The following FIGN variants were observed in gnomAD, a reference collection of about 807,000 sequenced individuals.
FIGN encodes the protein fidgetin.
In FIGN, 11 loss-of-function variants were observed where a neutral mutation model predicts 51.3. That is an observed-to-expected ratio of 0.21 (90% CI 0.13 to 0.35). FIGN has a LOEUF of 0.35. FIGN is among the 10% of genes least tolerant of loss of function. The probability of loss-of-function intolerance (pLI) is 1.00; values close to 1 mark genes in which losing one functional copy is unlikely to be tolerated. For synonymous variants in FIGN, 407 were observed against 363.2 expected (o/e 1.12, Z -1.37); for missense variants, 857 against 943.6 (o/e 0.91, Z 1.20).
At chr2:163,615,127 A>G (rs1468896540) in intron 2 of FIGN, among the ~76,000 whole-genome samples, 1 of 152,164 alleles carries the variant, frequency 6.6e-6, no homozygotes, top group Non-Finnish European at 1.5e-5. Flanking sequence ...TTGTCATGCT[A>G]TTTTTGGATG....
At chr2:163,702,372 A>T (rs1007039101) in intron 2 of FIGN, among the ~76,000 whole-genome samples, 6 of 152,270 alleles carry the variant, frequency 3.9e-5, no homozygotes, top group Middle Eastern at 6.8e-3. Flanking sequence ...TGTCACCTTC[A>T]CATACAAAAG....
intron 2 of FIGN, among the ~76,000 whole-genome samples, chr2:163,709,782 G>C (rs951748452): frequency 6.6e-6 from 1 of 151,838 alleles, no homozygotes; most frequent in Non-Finnish European, 1.5e-5. Flanking sequence ...TCATATTTAT[G>C]AGAAAAAAAT....
intron 2 of FIGN, among the ~76,000 whole-genome samples, chr2:163,649,977 G>A (rs1159897912): frequency 6.6e-6 from 1 of 152,186 alleles, no homozygotes; most frequent in Admixed American, 6.5e-5. Flanking sequence ...GGAAGTGGAA[G>A]AGCCAGACTT....
chr2:163,687,733 T>C (rs1243088158), intron 2 of FIGN, among the ~76,000 whole-genome samples: 1 of 152,184 alleles, frequency 6.6e-6, no homozygotes, highest in African/African-American at 2.4e-5. Flanking sequence ...AAGTATATAT[T>C]TTTTATCCTA....
chr2:163,619,496 T>C (rs1682933467), intron 2 of FIGN, among the ~76,000 whole-genome samples: 1 of 152,140 alleles, frequency 6.6e-6, no homozygotes, highest in Admixed American at 6.6e-5. Flanking sequence ...ATGCATTAAA[T>C]TGTATCCATA....
At chr2:163,620,587 ATTT>A (rs1682951467) in intron 2 of FIGN, among the ~76,000 whole-genome samples, 2 of 152,218 alleles carry the variant, frequency 1.3e-5, no homozygotes, top group South Asian at 4.1e-4. Flanking sequence ...TGCCAAAAGT[ATTT>A]TGCATTTTCT....
chr2:163,632,451 C>T (rs546477809), intron 2 of FIGN, among the ~76,000 whole-genome samples: 7 of 152,302 alleles, frequency 4.6e-5, no homozygotes, highest in East Asian at 1.9e-4. Flanking sequence ...TGCTATCCCC[C>T]GACTTTCAAC....
chr2:163,720,826 T>C (rs1428541072), intron 2 of FIGN, among the ~76,000 whole-genome samples: 1 of 152,198 alleles, frequency 6.6e-6, no homozygotes, highest in Non-Finnish European at 1.5e-5. Flanking sequence ...ACCTATGTAG[T>C]TGTATTGGCC....
Position 163,602,743 on chromosome 2 carries a change from AT to A in FIGN, c.*6808del, listed in dbSNP as rs1195516818. 2.0e-5 allele frequency: 3 copies of A among 152,106 alleles called. No homozygotes were observed. Among genetic ancestry groups the A allele is most frequent in the African/African-American group, 7.2e-5 (3 of 41,444 alleles). 9.4% of individuals were successfully genotyped at this position (152,106 alleles called of 1,614,324 possible). ...CATAAAAATATCTGCCTTGAACCAC[AT>A]TTTTAATTCTTCAATGGTTACTACT... On this transcript the variant is annotated 3_prime_UTR_variant, in exon 3 of 3. Transcript: ENST00000333129.
intron 2 of FIGN, among the ~76,000 whole-genome samples, chr2:163,648,794 G>A (rs554294510): frequency 3.3e-5 from 5 of 152,156 alleles, no homozygotes; most frequent in African/African-American, 7.2e-5. Context: ...TGTTTTGAAT[G>A]CAAAATATTT....
At chr2:163,696,828 T>G (rs1684327045) in intron 2 of FIGN, among the ~76,000 whole-genome samples, 2 of 148,378 alleles carry the variant, frequency 1.3e-5, no homozygotes, top group Admixed American at 1.3e-4. Flanking sequence ...CCACCGTGTC[T>G]GGCTAATTTT....
chr2:163,725,927 G>A (rs565898285), intron 2 of FIGN, among the ~76,000 whole-genome samples: 1 of 152,048 alleles, frequency 6.6e-6, no homozygotes, highest in East Asian at 1.9e-4. Context: ...ACTTTCTAAA[G>A]AGATACCAGC....
At position 163,730,474 on chromosome 2, in the gene FIGN, T is replaced by C. The variant is rs1313524174; in HGVS notation, c.25+4429A>G. ...CTTTCATTTTCAATAAACAATAATA[T>C]AGGTACAATCTCTCTCTCTTGCTCC... On this transcript the variant is annotated intron_variant, in intron 2 of 2. Transcript: ENST00000333129. Among the ~76,000 whole-genome samples, 5 of 151,662 alleles carry C rather than the reference T, an allele frequency of 3.3e-5. No homozygotes were observed. In the East Asian group the frequency reaches 7.8e-4, roughly 24 times the overall value.
chr2:163,707,256 T>A (rs189666102), intron 2 of FIGN, among the ~76,000 whole-genome samples: 1 of 151,960 alleles, frequency 6.6e-6, no homozygotes, highest in African/African-American at 2.4e-5. Context: ...GGCTGAGGCA[T>A]GAGAATCGTT....
Position 163,638,161 on chromosome 2 carries a change from C to T in FIGN, c.26-26355G>A, listed in dbSNP as rs200262321. On this transcript the variant is annotated intron_variant, in intron 2 of 2. Coordinates refer to ENST00000333129, the MANE Select transcript of FIGN (RefSeq NM_018086.4). ...GGTGAATATTGGTTCAGCTTTGAAA[C>T]GGAATCCTGCCGTGGTCTTGCTTCT... Among the ~76,000 whole-genome samples the T allele has an allele frequency of 8.6e-5, 13 of 151,908 alleles. No homozygotes were observed. The East Asian group carries it at 1.4e-3, about 16-fold the overall frequency.
At chr2:163,710,646 G>A (rs968611747) in intron 2 of FIGN, among the ~76,000 whole-genome samples, 4 of 152,172 alleles carry the variant, frequency 2.6e-5, no homozygotes, top group Non-Finnish European at 5.9e-5. Context: ...ACATAATAGT[G>A]CTAGCTAAAT....
chr2:163,635,134 TATA>T (rs1392446972), intron 2 of FIGN, among the ~76,000 whole-genome samples: 1 of 152,226 alleles, frequency 6.6e-6, no homozygotes, highest in Non-Finnish European at 1.5e-5. Flanking sequence ...ACTTGATAAT[TATA>T]ATATTAATTG....
Position 163,610,893 on chromosome 2 carries a change from T to G in FIGN, c.939A>C (p.Ala313=). 6.2e-7 allele frequency: 1 copy of G among 1,613,044 alleles called. No individual in the cohort carries two copies. The highest frequency in any genetic ancestry group is 8.5e-7 in the Non-Finnish European group (1 of 1,179,808). Reference sequence around the variant, plus strand: ...AGAAAGCTTTCCTTTTGAGAGAACTTGCTGAACTGTTTGTCAGAGCCGACG... The same window carrying G: ...AGAAAGCTTTCCTTTTGAGAGAACTGGCTGAACTGTTTGTCAGAGCCGACG... ...IAPSALTNSS[A]SSLKRKAFYM... is the part of the protein sequence containing the mutation. Residue 313 remains alanine (A), a synonymous_variant, in exon 3 of 3, where the codon GCA becomes GCC. Transcript: ENST00000333129.
At chr2:163,657,676 G>A (rs1317714236) in intron 2 of FIGN, among the ~76,000 whole-genome samples, 2 of 152,156 alleles carry the variant, frequency 1.3e-5, no homozygotes, top group African/African-American at 4.8e-5. Context: ...TGGCCAGAGT[G>A]TGGTGGTAGG....
Sources: allele counts gnomAD v4.1 joint callset (sites outside exome capture counted in the v4.1 genomes callset), GRCh38; gene constraint gnomAD v4.1.1; transcripts MANE v1.5; gene names NCBI Gene and HGNC (gene_info 2026-07-23, HGNC 2026-07-21).